The following MAP3K7 variants were observed in gnomAD, a reference collection of about 807,000 sequenced individuals.
MAP3K7 encodes the protein TGF-beta activated kinase 1.
MAP3K7 carries 21 observed loss-of-function variants against 84.8 expected under a neutral mutation model. That is an observed-to-expected ratio of 0.25 (90% CI 0.18 to 0.36). The LOEUF (loss-of-function observed/expected upper bound fraction) is 0.36, where lower values mean the gene tolerates loss of function less well. MAP3K7 is among the 10% of genes least tolerant of loss of function. The pLI, the probability that MAP3K7 is intolerant of heterozygous loss-of-function variation, is 1.00. For synonymous variants in MAP3K7, 241 were observed against 247.7 expected, an observed-to-expected ratio of 0.97 and a Z score of 0.25; for missense variants, 503 against 747.7, an observed-to-expected ratio of 0.67 and a Z score of 3.82.
rs1026523138 is a variant in MAP3K7, at chr6:90,556,444, T to C, written c.607+56A>G. ...AATGGGGAAAATCTATAAAAACATA[T>C]GAATTCACAAGGAGTGAGGGAGATT... On this transcript the variant is annotated intron_variant, in intron 6 of 16. Transcript: ENST00000369329. 1.6e-5 allele frequency: 25 copies of C among 1,561,158 alleles called. No homozygotes were observed. In the South Asian group the frequency reaches 2.1e-4, roughly 13 times the overall value.
At chr6:90,536,056 T>C (rs1021634908) in intron 13 of MAP3K7, among the ~76,000 whole-genome samples, 2 of 152,120 alleles carry the variant, frequency 1.3e-5, no homozygotes, top group African/African-American at 2.4e-5. Context: ...TGAATACTTA[T>C]TAAAACATAC....
intron 2 of MAP3K7, 118 bp downstream of exon 2, chr6:90,571,579 T>G (rs1776901339): frequency 7.9e-6 from 4 of 509,058 alleles, no homozygotes; most frequent in Non-Finnish European, 1.3e-5. Flanking sequence ...TAAACCGAAT[T>G]GCTGATGTTC....
intron 3 of MAP3K7, among the ~76,000 whole-genome samples, chr6:90,564,657 T>G (rs1776641705): frequency 6.6e-6 from 1 of 152,156 alleles, no homozygotes; most frequent in African/African-American, 2.4e-5. Context: ...GTTAGACAAA[T>G]TAACGAGACA....
chr6:90,518,544 T>G lies in MAP3K7; in HGVS notation c.1543A>C (p.Asn515His). 1 of 1,599,934 alleles carries G rather than the reference T, an allele frequency of 6.3e-7. No homozygotes were observed. Among genetic ancestry groups the G allele is most frequent in the Non-Finnish European group, 8.6e-7 (1 of 1,168,596 alleles). Residue 515 changes from asparagine to histidine, a missense_variant, in exon 16 of 17, where the codon AAC (asparagine) becomes CAC (histidine). Physicochemically the swap from Asn to His is moderately conservative, Grantham distance 68. This residue lies in a region of MAP3K7 where 36 missense variants were observed against 74.5 expected (regional missense o/e 0.48). Coordinates refer to ENST00000369329, the MANE Select transcript of MAP3K7 (RefSeq NM_145331.3). ...AACACTGCCATAGATTCTTTGGAGT[T>G]TGGGCACGGTGCTAGAGGCTGAAAA... is the stretch of plus-strand genomic sequence containing the variant. The part of the protein sequence containing the change: ...HQLQPLAPCP[N>H]SKESMAVFEQ...
Position 90,584,277 on chromosome 6 carries a change from T to A in MAP3K7, c.120+2487A>T, listed in dbSNP as rs574165795. Among the ~76,000 whole-genome samples the A allele has an allele frequency of 8.5e-5, 13 of 152,316 alleles. No homozygotes were observed. In the South Asian group the frequency reaches 2.7e-3, roughly 32 times the overall value. On this transcript the variant is annotated intron_variant, in intron 1 of 16. Coordinates refer to ENST00000369329, the MANE Select transcript of MAP3K7 (RefSeq NM_145331.3). ...ATAAGTGTTCATGGTTCACCCTGGA[T>A]TGTGTAACACTGGTTTAATGTATGC...
intron 12 of MAP3K7, among the ~76,000 whole-genome samples, chr6:90,539,577 A>C (rs1033839607): frequency 4.6e-5 from 7 of 151,878 alleles, no homozygotes; most frequent in African/African-American, 1.4e-4. Flanking sequence ...GTCTGGAGGA[A>C]ATATTTAATA....
intron 13 of MAP3K7, among the ~76,000 whole-genome samples, chr6:90,529,062 C>T (rs1216438607): frequency 6.6e-6 from 1 of 152,122 alleles, no homozygotes; most frequent in Non-Finnish European, 1.5e-5. Context: ...CAAGGCCAGA[C>T]CTTGTGTTTG....
intron 12 of MAP3K7, among the ~76,000 whole-genome samples, chr6:90,543,344 A>G (rs1014431712): frequency 2.0e-5 from 3 of 152,230 alleles, no homozygotes; most frequent in South Asian, 2.1e-4. Context: ...AGTTTTATAC[A>G]GACAAAATGG....
chr6:90,547,127 T>C, intron 11 of MAP3K7, 131 bp downstream of exon 11: 1 of 921,278 alleles, frequency 1.1e-6, no homozygotes, highest in Non-Finnish European at 1.6e-6. Flanking sequence ...CTTAGAAAAA[T>C]ATATTGTAAA....
chr6:90,561,450 A>C (rs1238439709), intron 4 of MAP3K7, among the ~76,000 whole-genome samples, 172 bp downstream of exon 4: 1 of 152,122 alleles, frequency 6.6e-6, no homozygotes, highest in Non-Finnish European at 1.5e-5. Flanking sequence ...TTCACATACT[A>C]ATGTTATAGA....
At chr6:90,554,055 G>A (rs1458408861) in intron 6 of MAP3K7, among the ~76,000 whole-genome samples, 3 of 152,002 alleles carry the variant, frequency 2.0e-5, no homozygotes, top group Admixed American at 6.6e-5. Context: ...ACAGGCATGC[G>A]CTGGCACAAC....
chr6:90,576,162 GGCACCAATCCCA>G (rs1306177207), intron 1 of MAP3K7, among the ~76,000 whole-genome samples: 1 of 152,084 alleles, frequency 6.6e-6, no homozygotes. Context: ...GATGACACAA[GGCACCAATCCCA>G]GCACTTTGGG....
At chr6:90,581,385 C>T (rs551109694) in intron 1 of MAP3K7, among the ~76,000 whole-genome samples, 25 of 152,204 alleles carry the variant, frequency 1.6e-4, no homozygotes, top group African/African-American at 6.0e-4. Context: ...AAATGCGGAA[C>T]AAGACAGAAC....
At chr6:90,583,463 T>C (rs1158276356) in intron 1 of MAP3K7, among the ~76,000 whole-genome samples, 1 of 152,218 alleles carries the variant, frequency 6.6e-6, no homozygotes, top group Non-Finnish European at 1.5e-5. Flanking sequence ...CTTGTCAATA[T>C]CTGTACAATG....
At chr6:90,573,390 C>T (rs762984863) in intron 1 of MAP3K7, among the ~76,000 whole-genome samples, 23 of 151,992 alleles carry the variant, frequency 1.5e-4, no homozygotes, top group Non-Finnish European at 2.6e-4. Flanking sequence ...TAACTGAGGG[C>T]ACTTTGGAGA....
intron 3 of MAP3K7, among the ~76,000 whole-genome samples, chr6:90,566,444 A>G (rs1776707379): frequency 6.6e-6 from 1 of 152,220 alleles, no homozygotes; most frequent in African/African-American, 2.4e-5. Flanking sequence ...CCAAATCATG[A>G]GTGAACTCCC....
intron 14 of MAP3K7, among the ~76,000 whole-genome samples, chr6:90,523,459 G>A (rs911305992): frequency 2.0e-5 from 3 of 151,696 alleles, no homozygotes; most frequent in African/African-American, 7.3e-5. Flanking sequence ...TAAAATACAT[G>A]TTTAGTATCT....
intron 4 of MAP3K7, among the ~76,000 whole-genome samples, chr6:90,560,645 C>A (rs957546767): frequency 2.0e-5 from 3 of 152,146 alleles, no homozygotes; most frequent in Non-Finnish European, 4.4e-5. Context: ...CAGGAGTGAG[C>A]CACCATGCCT....
At chr6:90,550,591 T>C (rs746690815) in intron 8 of MAP3K7, 42 bp from the exon 9 acceptor site, 75 of 1,260,550 alleles carry the variant, frequency 5.9e-5, no homozygotes, top group Middle Eastern at 5.7e-4. Flanking sequence ...ATTTCCTTAA[T>C]ACAAATTAAA....
Sources: allele counts gnomAD v4.1 joint callset (sites outside exome capture counted in the v4.1 genomes callset), GRCh38; gene constraint gnomAD v4.1.1; regional missense constraint gnomAD v4.1.1; transcripts MANE v1.5; gene names NCBI Gene and HGNC (gene_info 2026-07-23, HGNC 2026-07-21).